The following TEDC2 variants were observed in gnomAD, a reference collection of about 807,000 sequenced individuals.
TEDC2 encodes the protein tubulin epsilon and delta complex 2, also known as tubulin epsilon and delta complex protein 2.
Under a neutral mutation model 48.1 loss-of-function variants are expected in TEDC2, and 49 were observed. That is an observed-to-expected ratio of 1.02 (90% CI 0.81 to 1.29). TEDC2 has a LOEUF of 1.29. TEDC2 is among the 50% of genes most tolerant of loss of function. TEDC2 has a pLI of 0.00. For missense variants in TEDC2, 631 were observed against 571.4 expected (o/e 1.10, Z -1.06); for synonymous variants, 299 against 247.1 (o/e 1.21, Z -1.97).
At chr16:2,462,095 G>A (rs2141838689) in intron 5 of TEDC2, 54 bp from the exon 6 acceptor site, 1 of 1,576,260 alleles carries the variant, frequency 6.3e-7, no homozygotes, top group Non-Finnish European at 8.7e-7. Flanking sequence ...CTTACTGGCT[G>A]GAATAACCGT....
In TEDC2 at chr16:2,464,622, G is replaced by A. The variant is rs1252424891; in HGVS notation, c.1256G>A (p.Gly419Glu). 1 of 1,612,694 alleles carries A rather than the reference G, an allele frequency of 6.2e-7. No homozygotes were observed. Among genetic ancestry groups the A allele is most frequent in the Non-Finnish European group, 8.5e-7 (1 of 1,179,972 alleles). ...GCTGTGCACAGCCTGCTCTGCGAGG[G>A]AGGAGCACGTGTCCTTACCATCCTG... ...CRAVHSLLCEGGARVLTILRD... is the reference protein window; with the variant it reads ...CRAVHSLLCEEGARVLTILRD... Residue 419 changes from glycine to glutamate, a missense_variant, in exon 10 of 10, where the codon GGA (glycine) becomes GAA (glutamate). Coordinates refer to ENST00000361837, the MANE Select transcript of TEDC2 (RefSeq NM_025108.3).
rs1342254790 is a variant in TEDC2, at chr16:2,460,148, C to T, written c.4C>T (p.Leu2=). M[L]PAGCSRRLVA... ...GCAAGGAGACGCCGCCGCCTTCATG[C>T]TGCCGGCGGGCTGCTCGCGCCGGTG... The change falls in exon 1 of 10, where the codon CTG becomes TTG. Residue 2 remains leucine (L), a synonymous_variant. Coordinates refer to ENST00000361837, the MANE Select transcript of TEDC2 (RefSeq NM_025108.3). 2.2e-6 allele frequency: 3 copies of T among 1,346,140 alleles called. No homozygotes were observed. The highest frequency in any genetic ancestry group is 1.9e-6 in the Non-Finnish European group (2 of 1,057,102). The allele number at this position is 1,346,140 out of a possible 1,614,324, so 83.4% of individuals were successfully genotyped here. A position where few individuals can be genotyped will look rare whatever the true frequency, so the allele number is the denominator to read the frequency against.
chr16:2,462,869 C>T, intron 8 of TEDC2, 137 bp downstream of exon 8: 2 of 736,050 alleles, frequency 2.7e-6, no homozygotes, highest in South Asian at 1.9e-5. Context: ...CCCTCCACCC[C>T]TCCCACGCCA....
chr16:2,462,999 A>C (rs931889275), intron 8 of TEDC2, among the ~76,000 whole-genome samples: 1 of 152,210 alleles, frequency 6.6e-6, no homozygotes, highest in African/African-American at 2.4e-5. Context: ...TGCTCTGAGC[A>C]GTTGCTTATT....
rs942578251 is a variant in TEDC2, at chr16:2,460,496, C to T, written c.125+115C>T. On this transcript the variant is annotated intron_variant, in intron 2 of 9. Coordinates refer to ENST00000361837, the MANE Select transcript of TEDC2 (RefSeq NM_025108.3). ...CGCCCACTTCGGAGCTGTGGGTTGT[C>T]AGTGCCACCCTCCTTACCCTGCAGG... The T allele has an allele frequency of 2.0e-6, 3 of 1,499,976 alleles. No homozygotes were observed. The Admixed American group carries it at 6.8e-5, about 34-fold the overall frequency. 92.9% of individuals were successfully genotyped at this position (1,499,976 alleles called of 1,614,324 possible). A position where few individuals can be genotyped will look rare whatever the true frequency, so the allele number is the denominator to read the frequency against.
chr16:2,460,927 C>T lies in TEDC2; in HGVS notation c.308C>T (p.Ala103Val), dbSNP rs376053639. 8.2e-5 allele frequency: 132 copies of T among 1,613,544 alleles called. No individual in the cohort carries two copies. In the Middle Eastern group the frequency reaches 2.1e-3, roughly 26 times the overall value. Reference sequence around the variant, plus strand: ...ACTAAGGCCGGAGAGAGAGACAAGGCCCCCAGCCTGAAATCTAGGTCCATT... The same window carrying T: ...ACTAAGGCCGGAGAGAGAGACAAGGTCCCCAGCCTGAAATCTAGGTCCATT... ...GITKAGERDK[A>V]PSLKSRSIVT... is the part of the protein sequence containing the mutation. The change falls in exon 4 of 10, where the codon GCC (alanine) becomes GTC (valine). Residue 103 changes from alanine to valine, a missense_variant. Coordinates refer to ENST00000361837, the MANE Select transcript of TEDC2 (RefSeq NM_025108.3).
chr16:2,464,441 T>C, intron 9 of TEDC2, 81 bp from the exon 10 acceptor site: 1 of 1,433,688 alleles, frequency 7.0e-7, no homozygotes. Flanking sequence ...GGCTGAAGCA[T>C]GGGGGCCTCG....
intron 8 of TEDC2, 35 bp from the exon 9 acceptor site, chr16:2,464,004 G>C (rs1449143883): frequency 1.9e-6 from 3 of 1,586,962 alleles, no homozygotes; most frequent in Non-Finnish European, 2.6e-6. Context: ...GGGTTCGGCT[G>C]CTACCCCAAA....
chr16:2,464,401 G>A, intron 9 of TEDC2, 121 bp from the exon 10 acceptor site: 1 of 1,327,226 alleles, frequency 7.5e-7, no homozygotes, highest in Admixed American at 2.4e-5. Flanking sequence ...ACGGCAGGAG[G>A]GAGCCTGGAG....
chr16:2,463,890 A>G, intron 8 of TEDC2, 149 bp from the exon 9 acceptor site: 1 of 860,044 alleles, frequency 1.2e-6, no homozygotes, highest in Non-Finnish European at 1.8e-6. Context: ...GGCCCAAGAC[A>G]CACCATCTTG....
At position 2,460,286 on chromosome 16, in the gene TEDC2, G is replaced by T. The variant is rs765557858; in HGVS notation, c.30G>T (p.Leu10=). 2.2e-5 allele frequency: 34 copies of T among 1,526,682 alleles called. No homozygotes were observed. In the African/African-American group the frequency reaches 4.7e-4, roughly 21 times the overall value. 94.6% of individuals were successfully genotyped at this position (1,526,682 alleles called of 1,614,324 possible). A position where few individuals can be genotyped will look rare whatever the true frequency, so the allele number is the denominator to read the frequency against. ...GAGCCGCCGGTGCGTCCCCCAGGCT[G>T]GTGGCCGAGCTGCAGGGCGCCCTGG... The part of the protein sequence containing the change: MLPAGCSRR[L]VAELQGALDA... The change falls in exon 2 of 10, where the codon CTG becomes CTT. Residue 10 remains leucine, a synonymous_variant. Coordinates refer to ENST00000361837, the MANE Select transcript of TEDC2 (RefSeq NM_025108.3).
At position 2,461,099 on chromosome 16, in the gene TEDC2, G is replaced by A. The variant is rs1340518457; in HGVS notation, c.480G>A (p.Val160=). 6.3e-7 allele frequency: 1 copy of A among 1,589,714 alleles called. No individual in the cohort carries two copies. Among genetic ancestry groups the A allele is most frequent in the East Asian group, 2.2e-5 (1 of 44,572 alleles). ...KGHPERRLLS[V]GDGTRVGMGA... is the part of the protein sequence containing the mutation. Reference sequence around the variant, plus strand: ...ACCCTGAGCGCCGGCTGCTGTCAGTGGGGGATGGGACCCGTGTTGGGATGG... The same window carrying A: ...ACCCTGAGCGCCGGCTGCTGTCAGTAGGGGATGGGACCCGTGTTGGGATGG... The change falls in exon 4 of 10, where the codon GTG becomes GTA. Residue 160 remains valine, a synonymous_variant. Coordinates refer to ENST00000361837, the MANE Select transcript of TEDC2 (RefSeq NM_025108.3).
In TEDC2 at chr16:2,462,431, C is replaced by T. The variant is rs1321059367; in HGVS notation, c.767C>T (p.Pro256Leu). 1 of 1,612,018 alleles carries T rather than the reference C, an allele frequency of 6.2e-7. No homozygotes were observed. The highest frequency in any genetic ancestry group is 2.2e-5 in the East Asian group (1 of 44,892). The stretch of plus-strand genomic sequence containing the variant: ...CATATCCAGTCAGGCGGGCCCCAGC[C>T]CAGGCTCAGTGCTGTGGAGGTGGAG... ...NMQTASGGPQ[P>L]RLSAVEVEAE... The change falls in exon 7 of 10, where the codon CCC becomes CTC. Residue 256 changes from proline to leucine, a missense_variant. By Grantham distance (98) the Pro-to-Leu change is moderately conservative. Transcript: ENST00000361837.
chr16:2,460,725 C>T, intron 3 of TEDC2, 32 bp downstream of exon 3: 1 of 1,612,684 alleles, frequency 6.2e-7, no homozygotes, highest in Non-Finnish European at 8.5e-7. Flanking sequence ...TCTCCAGGTG[C>T]TGCTCTGGCC....
chr16:2,461,908 C>T (rs2065469281), intron 5 of TEDC2, 108 bp downstream of exon 5: 1 of 1,391,738 alleles, frequency 7.2e-7, no homozygotes, highest in Non-Finnish European at 1.0e-6. Flanking sequence ...GTCCTCTTTG[C>T]TGAGTGGGAT....
chr16:2,464,395 C>A, intron 9 of TEDC2, 127 bp from the exon 10 acceptor site: 1 of 1,323,848 alleles, frequency 7.6e-7, no homozygotes, highest in Non-Finnish European at 1.0e-6. Context: ...GCTGGGACGG[C>A]AGGAGGGAGC....
At position 2,461,751 on chromosome 16, in the gene TEDC2, C is replaced by A; in HGVS notation, c.610C>A (p.Leu204Met). The A allele has an allele frequency of 6.2e-7, 1 of 1,613,266 alleles. No homozygotes were observed. Among genetic ancestry groups the A allele is most frequent in the Non-Finnish European group, 8.5e-7 (1 of 1,179,998 alleles). The change falls in exon 5 of 10, where the codon CTG (leucine) becomes ATG (methionine). Residue 204 changes from leucine (L) to methionine (M), a missense_variant. By Grantham distance (15) the Leu-to-Met change is conservative. Transcript: ENST00000361837. The stretch of plus-strand genomic sequence containing the variant: ...GAACACGGGCTTCTCCGACAGGCAC[C>A]TGCTGCGGCTGCCTGCGGCATTCAG... ...EAFTLKEKGHLLRLPAAFRKA... is the reference protein window; with the variant it reads ...EAFTLKEKGHMLRLPAAFRKA...
Position 2,460,821 on chromosome 16 carries a change from ACAC to A in TEDC2, c.204_206del (p.Pro69del). ...ATAATTCTTGGCTTTCACAGCATGC[ACAC>A]CCAGTCCACAAGACCTCAAAGAGTT... On this transcript the variant is annotated inframe_deletion, in exon 4 of 10. Coordinates refer to ENST00000361837, the MANE Select transcript of TEDC2 (RefSeq NM_025108.3). The A allele has an allele frequency of 6.2e-7, 1 of 1,612,196 alleles. No individual in the cohort carries two copies. Among genetic ancestry groups the A allele is most frequent in the Non-Finnish European group, 8.5e-7 (1 of 1,179,298 alleles).
At position 2,461,206 on chromosome 16, in the gene TEDC2, T is replaced by C. The variant is rs1385649432; in HGVS notation, c.587T>C (p.Phe196Ser). 1 of 1,486,892 alleles carries C rather than the reference T, an allele frequency of 6.7e-7. No individual in the cohort carries two copies. The highest frequency in any genetic ancestry group is 2.4e-5 in the East Asian group (1 of 42,146). The allele number at this position is 1,486,892 out of a possible 1,614,324, so 92.1% of individuals were successfully genotyped here. Residue 196 changes from phenylalanine (F) to serine (S), a missense_variant, in exon 4 of 10, where the codon TTC (phenylalanine) becomes TCC (serine). Phe to Ser is a radical substitution (Grantham distance 155). Transcript: ENST00000361837. ...GCTGCTCCTCAGGCCCCAGAAGCCT[T>C]CACACTCAAGGAGAAGGGGTAGGTT... ...PSAAPQAPEA[F>S]TLKEKGHLLR...
Sources: gnomAD v4.1 joint callset for allele counts (sites outside exome capture counted in the v4.1 genomes callset) on GRCh38, gnomAD v4.1.1 for gene constraint, MANE v1.5 for transcripts, NCBI Gene and HGNC (gene_info 2026-07-23, HGNC 2026-07-21) for gene names.